The following SPG7 variants were observed in gnomAD, a reference collection of about 807,000 sequenced individuals.
SPG7 encodes mitochondrial inner membrane m-AAA protease component paraplegin.
In SPG7, 103 loss-of-function variants were observed where a neutral mutation model predicts 81.9. The observed-to-expected ratio is 1.26, with a 90% confidence interval of 1.07 to 1.48. The LOEUF (loss-of-function observed/expected upper bound fraction) is 1.48, where lower values mean the gene tolerates loss of function less well. Among genes scored for constraint, SPG7 ranks in the 40% most tolerant of loss-of-function variants. The pLI, the probability that SPG7 is intolerant of heterozygous loss-of-function variation, is 0.00. For synonymous variants in SPG7, 534 were observed against 444.2 expected (o/e 1.20, Z -2.54); for missense variants, 1,241 against 1,087.3 (o/e 1.14, Z -1.99).
chr16:89,529,748 C>T lies in SPG7; in HGVS notation c.861+169C>T, dbSNP rs183635157. Reference sequence around the variant, plus strand: ...CCTTTCCCATGGTCCGGCTGTAAGGCGTGTAGTAACCAATGTTGCCTGAGG... The same window carrying T: ...CCTTTCCCATGGTCCGGCTGTAAGGTGTGTAGTAACCAATGTTGCCTGAGG... On this transcript the variant is annotated intron_variant, in intron 6 of 16. Coordinates refer to ENST00000645818, the MANE Select transcript of SPG7 (RefSeq NM_003119.4). 9 of 681,658 alleles carry T rather than the reference C, an allele frequency of 1.3e-5. No individual in the cohort carries two copies. The East Asian group carries it at 1.9e-4, about 14-fold the overall frequency. The allele number at this position is 681,658 out of a possible 1,614,324, so 42.2% of individuals were successfully genotyped here. A position where few individuals can be genotyped will look rare whatever the true frequency, so the allele number is the denominator to read the frequency against.
intron 16 of SPG7, chr16:89,555,699 C>A (rs7199775): frequency 6.1e-5 from 24 of 396,500 alleles, no homozygotes; most frequent in Middle Eastern, 6.3e-4. Context: ...TCCTCAGTTG[C>A]GATTGTCTGA....
At chr16:89,520,453 G>T (rs531213231) in intron 3 of SPG7, 1 of 171,906 alleles carries the variant, frequency 5.8e-6, no homozygotes, top group Non-Finnish European at 1.2e-5. Context: ...CAGGAGTGAA[G>T]TGGCGCGATC....
Position 89,530,797 on chromosome 16 carries a change from G to T in SPG7, c.976G>T (p.Asp326Tyr). Residue 326 changes from aspartate to tyrosine, a missense_variant, in exon 7 of 17, where the codon GAT (aspartate) becomes TAT (tyrosine). Asp to Tyr is a radical substitution (Grantham distance 160). Transcript: ENST00000645818. ...EAKLEVREFV[D>Y]YLKSPERFLQ... ...CAAACTGGAAGTCCGCGAGTTTGTG[G>T]ATTATCTGAAGGTGAAAGCAGCGTG... 2 of 1,614,150 alleles carry T rather than the reference G, an allele frequency of 1.2e-6. No individual in the cohort carries two copies. The highest frequency in any genetic ancestry group is 1.7e-6 in the Non-Finnish European group (2 of 1,180,012).
intron 9 of SPG7, chr16:89,537,198 C>G (rs572222764): frequency 1.2e-5 from 17 of 1,430,684 alleles, no homozygotes; most frequent in South Asian, 6.1e-5. Context: ...CTGTGCCGGT[C>G]GTGGGGAAAT....
rs1262354888 is a variant in SPG7 at position 89,544,512 on chromosome 16, A to G, written c.1325-136A>G. 3.0e-6 allele frequency: 3 copies of G among 999,566 alleles called. No homozygotes were observed. The East Asian group carries it at 7.4e-5, about 25-fold the overall frequency. The allele number at this position is 999,566 out of a possible 1,614,324, so 61.9% of individuals were successfully genotyped here. ...GGGGGATCGCGGCTCCTAGTTCAGA[A>G]GGACCGGGCTGTTCCTTTCTCTCTG... On this transcript the variant is annotated intron_variant, in intron 9 of 16. Coordinates refer to ENST00000645818, the MANE Select transcript of SPG7 (RefSeq NM_003119.4).
At chr16:89,509,596 CTG>C (rs2057984391) in intron 1 of SPG7, among the ~76,000 whole-genome samples, 1 of 151,832 alleles carries the variant, frequency 6.6e-6, no homozygotes, top group Non-Finnish European at 1.5e-5. Flanking sequence ...AAGGAGAACT[CTG>C]AAAGTATATA....
chr16:89,541,930 C>G (rs1021363778), intron 9 of SPG7: 5 of 151,722 alleles, frequency 3.3e-5, no homozygotes, highest in Non-Finnish European at 5.9e-5. Flanking sequence ...GGTGGCCACC[C>G]TGATACATAG....
At chr16:89,536,904 G>A (rs746403352) in intron 9 of SPG7, 15 of 1,614,070 alleles carry the variant, frequency 9.3e-6, no homozygotes, top group Non-Finnish European at 1.3e-5. Flanking sequence ...GTTGCCTTTT[G>A]CACTGAAGAT....
chr16:89,518,029 C>T lies in SPG7; in HGVS notation c.376+4992C>T, dbSNP rs544951479. ...ATAATTGTTTACTGAGCCAAATAAT[C>T]TTTCTTGTGAGAACCTATTCTGGGT... On this transcript the variant is annotated intron_variant, in intron 3 of 16. Coordinates refer to ENST00000645818, the MANE Select transcript of SPG7 (RefSeq NM_003119.4). The T allele has an allele frequency of 2.0e-5, 3 of 152,336 alleles. No individual in the cohort carries two copies. The South Asian group carries it at 6.2e-4, about 32-fold the overall frequency. 9.4% of individuals were successfully genotyped at this position (152,336 alleles called of 1,614,324 possible).
At chr16:89,537,875 C>T in intron 9 of SPG7, 1 of 689,300 alleles carries the variant, frequency 1.5e-6, no homozygotes, top group Non-Finnish European at 1.8e-6. Context: ...ATGTATCAAG[C>T]ACGCTCTGCC....
At chr16:89,531,130 G>A in intron 7 of SPG7, 1 of 448,780 alleles carries the variant, frequency 2.2e-6, no homozygotes. Context: ...TGGTGGCAGT[G>A]CATGAGCTGC....
chr16:89,548,925 C>T (rs67643661), intron 12 of SPG7: 76,835 of 453,820 alleles, frequency 0.17, 6,876 homozygotes, highest in Middle Eastern at 0.21. Flanking sequence ...CTGCGAGAAC[C>T]GAGTTCCTCA....
rs2058346001 is a variant in SPG7 at position 89,531,802 on chromosome 16, C to T, written c.988-102C>T. The T allele has an allele frequency of 3.5e-6, 4 of 1,155,422 alleles. No individual in the cohort carries two copies. In the South Asian group the frequency reaches 5.1e-5, roughly 15 times the overall value. The allele number at this position is 1,155,422 out of a possible 1,614,324, so 71.6% of individuals were successfully genotyped here. On this transcript the variant is annotated intron_variant, in intron 7 of 16. Transcript: ENST00000645818. ...AGGCTGCAGTGAGCTATCATGGCACCCACTGCACTCCAGCCTGCGTGACCC... is the reference window on the plus strand; with the variant it reads ...AGGCTGCAGTGAGCTATCATGGCACTCACTGCACTCCAGCCTGCGTGACCC...
At chr16:89,523,495 C>G (rs1049870837) in intron 3 of SPG7, 6 of 347,370 alleles carry the variant, frequency 1.7e-5, no homozygotes, top group African/African-American at 1.3e-4. Flanking sequence ...TTTGATCAAA[C>G]TCCAAGCAAC....
chr16:89,550,283 T>C (rs1294190281), intron 12 of SPG7: 6 of 525,936 alleles, frequency 1.1e-5, no homozygotes, highest in African/African-American at 1.9e-5. Flanking sequence ...AGTGATTCTC[T>C]TGCCTCAGCC....
At chr16:89,509,450 C>T (rs1051138409) in intron 1 of SPG7, among the ~76,000 whole-genome samples, 21 of 152,162 alleles carry the variant, frequency 1.4e-4, no homozygotes, top group Non-Finnish European at 2.5e-4. Context: ...GGGGTTTCAC[C>T]ATGTTGGCCA....
intron 16 of SPG7, chr16:89,555,061 A>G (rs1042878334): frequency 1.2e-5 from 2 of 168,182 alleles, no homozygotes; most frequent in Non-Finnish European, 2.5e-5. Context: ...GACTGCAGGC[A>G]TGCACCAACA....
chr16:89,545,096 T>C (rs571983222), intron 10 of SPG7: 2 of 393,140 alleles, frequency 5.1e-6, no homozygotes, highest in South Asian at 2.2e-5. Context: ...CTGGTTTTTA[T>C]AGCAAATCCT....
At chr16:89,541,891 C>T (rs1340425600) in intron 9 of SPG7, 1 of 152,048 alleles carries the variant, frequency 6.6e-6, no homozygotes. Flanking sequence ...TGACACATAG[C>T]GGCCCGGTAG....
Sources: gnomAD v4.1 joint callset for allele counts (sites outside exome capture counted in the v4.1 genomes callset) on GRCh38, gnomAD v4.1.1 for gene constraint, MANE v1.5 for transcripts, NCBI Gene and HGNC (gene_info 2026-07-23, HGNC 2026-07-21) for gene names.